Variants in RAB37 observed in about 807,000 individuals in gnomAD.
RAB37 encodes ras-related protein Rab-37.
Under a neutral mutation model 33.1 loss-of-function variants are expected in RAB37, and 29 were observed. The ratio of observed to expected loss-of-function variants is 0.88; its 90% CI spans 0.65 to 1.20. The LOEUF is 1.20. Ranked by LOEUF, RAB37 falls within the 50% of genes most tolerant of loss-of-function variation. The pLI is 0.00. For synonymous variants in RAB37, 128 were observed against 119.5 expected (o/e 1.07, Z -0.47); for missense variants, 299 against 301.1 (o/e 0.99, Z 0.05).
chr17:74,746,376 A>G lies in RAB37; in HGVS notation c.*965A>G, dbSNP rs2034760444. The G allele has an allele frequency of 6.6e-6, 1 of 152,200 alleles. No individual in the cohort carries two copies. The highest frequency in any genetic ancestry group is 6.5e-5 in the Admixed American group (1 of 15,282). The allele number at this position is 152,200 out of a possible 1,614,324, so 9.4% of individuals were successfully genotyped here. A position where few individuals can be genotyped will look rare whatever the true frequency, so the allele number is the denominator to read the frequency against. On this transcript the variant is annotated 3_prime_UTR_variant, in exon 9 of 9. Coordinates refer to ENST00000392613, the MANE Select transcript of RAB37 (RefSeq NM_001006638.3). This position sits in a 1 kb window ranked among gnomAD's most constrained non-coding sequence, Gnocchi z 5.2. ...GTAGCTGGGACTATAGGTGTGTACC[A>G]TCACACCTGGCTAATTTTTGTATTT...
Position 74,729,295 on chromosome 17 carries a change from C to G in RAB37, c.112C>G (p.Leu38Val), listed in dbSNP as rs147349273. ...TGACAGTGGTGTGGGAAAGACGTCT[C>G]TGCTGGTTCAGTTCGATCAGGGCAA... The change falls in exon 2 of 8, where the codon CTG (leucine) becomes GTG (valine). Residue 38 changes from leucine to valine, a missense_variant. Transcript: ENST00000340415. This position sits in a 1 kb window ranked among gnomAD's most constrained non-coding sequence, Gnocchi z 4.2. 1.8e-4 allele frequency: 291 copies of G among 1,614,010 alleles called. No individual in the cohort carries two copies. Among genetic ancestry groups the G allele is most frequent in the Non-Finnish European group, 2.4e-4 (282 of 1,180,028 alleles).
chr17:74,685,379 G>A (rs920635447), intron 1 of RAB37, among the ~76,000 whole-genome samples: 16 of 152,050 alleles, frequency 1.1e-4, no homozygotes, highest in Non-Finnish European at 8.8e-5. Context: ...GTAGAGACAG[G>A]GTTTCACCAT....
At chr17:74,733,165 G>A (rs1017132063), upstream of RAB37, among the ~76,000 whole-genome samples, 5 of 152,084 alleles carry the variant, frequency 3.3e-5, no homozygotes, top group Non-Finnish European at 7.4e-5. Flanking sequence ...GTGGTGACAG[G>A]AGTGTGTGTT....
intron 1 of RAB37, among the ~76,000 whole-genome samples, chr17:74,680,429 T>C (rs1292955983): frequency 1.3e-5 from 2 of 152,168 alleles, no homozygotes; most frequent in African/African-American, 4.8e-5. Flanking sequence ...TGTATTGCCC[T>C]AGATGCCAAG....
At position 74,725,908 on chromosome 17, in the gene RAB37, A is replaced by G. The variant is rs1464111882; in HGVS notation, c.73-3348A>G. ...TGGGATTACAGGCTTGAGCCACCGC[A>G]CCTGGCCATTGTCAATAGATTTCTA... On this transcript the variant is annotated intron_variant, in intron 1 of 7. Transcript: ENST00000340415. 2.6e-5 allele frequency among the ~76,000 whole-genome samples: 4 copies of G among 151,156 alleles called. No individual in the cohort carries two copies. The East Asian group carries it at 8.0e-4, about 30-fold the overall frequency.
chr17:74,696,552 T>G (rs2032496911), intron 1 of RAB37, among the ~76,000 whole-genome samples: 1 of 152,220 alleles, frequency 6.6e-6, no homozygotes, highest in Non-Finnish European at 1.5e-5. Flanking sequence ...CAACTCGGCC[T>G]GGAATTCCAC....
intron 1 of RAB37, among the ~76,000 whole-genome samples, chr17:74,679,321 A>T (rs926695643): frequency 2.0e-5 from 3 of 152,178 alleles, no homozygotes; most frequent in Admixed American, 2.0e-4. Flanking sequence ...TTGGAAGGGA[A>T]TAAAGTCTGG....
Position 74,744,992 on chromosome 17 carries a change from A to ACT in RAB37, c.490-10_490-9dup. The ACT allele has an allele frequency of 6.2e-7, 1 of 1,614,156 alleles. No homozygotes were observed. Among genetic ancestry groups the ACT allele is most frequent in the Non-Finnish European group, 8.5e-7 (1 of 1,180,018 alleles). ...GCAACCCGACGCTGGCCCTGAGGAC[A>ACT]CTCTCTCCCGGGCAGGAGTACGGTG... On this transcript the variant is annotated splice_polypyrimidine_tract_variant and intron_variant, in intron 7 of 8. Transcript: ENST00000392613. This position sits in a 1 kb window ranked among gnomAD's most constrained non-coding sequence, Gnocchi z 4.2.
intron 1 of RAB37, among the ~76,000 whole-genome samples, chr17:74,719,377 A>G (rs1250573104): frequency 6.6e-6 from 1 of 152,182 alleles, no homozygotes; most frequent in Non-Finnish European, 1.5e-5. Flanking sequence ...CCGAGCCCAG[A>G]GAGGTCGAGG....
At chr17:74,680,300 T>G (rs749466889) in intron 1 of RAB37, among the ~76,000 whole-genome samples, 4 of 152,068 alleles carry the variant, frequency 2.6e-5, no homozygotes, top group Non-Finnish European at 5.9e-5. Flanking sequence ...GTCACTACTT[T>G]AGGGCATTGA....
At position 74,745,199 on chromosome 17, in the gene RAB37, G is replaced by A; in HGVS notation, c.567-107G>A. The A allele has an allele frequency of 6.5e-7, 1 of 1,537,408 alleles. No individual in the cohort carries two copies. The highest frequency in any genetic ancestry group is 9.0e-7 in the Non-Finnish European group (1 of 1,112,178). On this transcript the variant is annotated intron_variant, in intron 8 of 8. Transcript: ENST00000392613. The surrounding 1 kb of genome is among the most constrained non-coding windows in gnomAD (Gnocchi z 4.5). ...ACACACCTGCATTCTGCAGGCTGAG[G>A]TCCATTTGCTCTGGGAGCACTGGGC...
At chr17:74,719,064 C>A (rs914067004) in intron 1 of RAB37, among the ~76,000 whole-genome samples, 4 of 152,114 alleles carry the variant, frequency 2.6e-5, no homozygotes, top group Admixed American at 2.0e-4. Flanking sequence ...CCTAGAAATT[C>A]TCTAAAAATT....
At chr17:74,734,367 A>G (rs2034435573), upstream of RAB37, among the ~76,000 whole-genome samples, 1 of 152,208 alleles carries the variant, frequency 6.6e-6, no homozygotes, top group African/African-American at 2.4e-5. Flanking sequence ...TTAATGAGTG[A>G]TATCTGCAAT....
In RAB37 at chr17:74,745,595, A is replaced by C. The variant is rs2034742778; in HGVS notation, c.*184A>C. ...GAGTTCCTGCGGTCTCCCCGCATCCACAGGGAGGGTAAAACACTTAGCTTT... is the reference window on the plus strand; with the variant it reads ...GAGTTCCTGCGGTCTCCCCGCATCCCCAGGGAGGGTAAAACACTTAGCTTT... On this transcript the variant is annotated 3_prime_UTR_variant, in exon 9 of 9. Transcript: ENST00000392613. The surrounding 1 kb of genome is among the most constrained non-coding windows in gnomAD (Gnocchi z 4.5). 1.7e-6 allele frequency: 1 copy of C among 591,010 alleles called. No individual in the cohort carries two copies. Among genetic ancestry groups the C allele is most frequent in the African/African-American group, 1.9e-5 (1 of 53,770 alleles). The allele number at this position is 591,010 out of a possible 1,614,324, so 36.6% of individuals were successfully genotyped here. A position where few individuals can be genotyped will look rare whatever the true frequency, so the allele number is the denominator to read the frequency against.
Position 74,729,421 on chromosome 17 carries a change from T to G in RAB37, c.183+55T>G, listed in dbSNP as rs2144030531. The G allele has an allele frequency of 1.6e-6, 2 of 1,263,122 alleles. No homozygotes were observed. The highest frequency in any genetic ancestry group is 2.3e-6 in the Non-Finnish European group (2 of 859,518). The allele number at this position is 1,263,122 out of a possible 1,614,324, so 78.2% of individuals were successfully genotyped here. On this transcript the variant is annotated intron_variant, in intron 2 of 7. Coordinates refer to the RAB37 transcript ENST00000340415. The surrounding 1 kb of genome is among the most constrained non-coding windows in gnomAD (Gnocchi z 4.2). Reference sequence around the variant, plus strand: ...GGCCTGGGCTCAGGACCCCAGCGTGTTTCTGTTGAGTGCCAGCAGGAAACA... The same window carrying G: ...GGCCTGGGCTCAGGACCCCAGCGTGGTTCTGTTGAGTGCCAGCAGGAAACA...
intron 1 of RAB37, among the ~76,000 whole-genome samples, chr17:74,718,817 A>G (rs1368189231): frequency 6.6e-6 from 1 of 152,226 alleles, no homozygotes; most frequent in African/African-American, 2.4e-5. Context: ...GTGTGTATCT[A>G]TTACCAATCT....
intron 1 of RAB37, among the ~76,000 whole-genome samples, chr17:74,722,382 G>A (rs528848119): frequency 6.6e-6 from 1 of 152,186 alleles, no homozygotes; most frequent in East Asian, 1.9e-4. Flanking sequence ...CAGCCCAAAG[G>A]CTGTAAATTT....
At chr17:74,700,141 CAATA>C (rs77860062) in intron 1 of RAB37, among the ~76,000 whole-genome samples, 82,972 of 147,582 alleles carry the variant, frequency 0.56, 27,079 homozygotes, top group Middle Eastern at 0.8. Context: ...GACCCTGTCT[CAATA>C]AATAAATAAA....
chr17:74,736,684 C>T, upstream of RAB37: 1 of 1,535,692 alleles, frequency 6.5e-7, no homozygotes, highest in Non-Finnish European at 8.7e-7. Flanking sequence ...TCAAAGTCCC[C>T]GCACCAGGCA....
Sources: allele counts gnomAD v4.1 joint callset (sites outside exome capture counted in the v4.1 genomes callset), GRCh38; gene constraint gnomAD v4.1.1; non-coding constraint Gnocchi (gnomAD v3.1); transcripts MANE v1.5; gene names NCBI Gene and HGNC (gene_info 2026-07-23, HGNC 2026-07-21).